The following ZNF33A variants were observed in gnomAD, a reference collection of about 807,000 sequenced individuals.
ZNF33A encodes brain my041 protein.
In ZNF33A, 9 loss-of-function variants were observed where a neutral mutation model predicts 15.9. That is an observed-to-expected ratio of 0.57 (90% confidence interval 0.34 to 0.99). ZNF33A has a LOEUF of 0.99. Ranked by LOEUF, ZNF33A falls within the 50% of genes least tolerant of loss-of-function variation. The pLI, the probability that ZNF33A is intolerant of heterozygous loss-of-function variation, is 0.02. For synonymous variants in ZNF33A, 294 were observed against 324.2 expected, an observed-to-expected ratio of 0.91 and a Z score of 1.00; for missense variants, 843 against 941.6, an observed-to-expected ratio of 0.90 and a Z score of 1.37.
intron 4 of ZNF33A, among the ~76,000 whole-genome samples, chr10:38,017,967 G>A (rs1384326646): frequency 1.3e-5 from 2 of 152,144 alleles, no homozygotes; most frequent in Non-Finnish European, 1.5e-5. Context: ...GGTGGCAGGT[G>A]CCTGTAATCC....
chr10:38,056,447 A>G lies in ZNF33A; in HGVS notation c.2323A>G (p.Asn775Asp), dbSNP rs774080068. 2.5e-6 allele frequency: 4 copies of G among 1,614,002 alleles called. No homozygotes were observed. Among genetic ancestry groups the G allele is most frequent in the Middle Eastern group, 3.3e-4 (2 of 6,060 alleles). Reference protein sequence around the residue: ...IVHQRRHIGENLMNEMDIRNF... With the variant: ...IVHQRRHIGEDLMNEMDIRNF... Reference sequence around the variant, plus strand: ...ACATCAGAGAAGACATATAGGAGAAAACCTTATGAATGAAATGGATATTAG... The same window carrying G: ...ACATCAGAGAAGACATATAGGAGAAGACCTTATGAATGAAATGGATATTAG... Residue 775 changes from asparagine (N) to aspartate (D), a missense_variant, in exon 5 of 5, where the codon AAC (asparagine) becomes GAC (aspartate). Transcript: ENST00000432900.
chr10:38,064,098 T>A, downstream of ZNF33A: 2 of 1,597,782 alleles, frequency 1.3e-6, no homozygotes, highest in Non-Finnish European at 8.5e-7. Context: ...GCCCCTGAGA[T>A]GCTCATGCCC....
intron 4 of ZNF33A, among the ~76,000 whole-genome samples, chr10:38,051,379 G>A (rs572838184): frequency 2.6e-4 from 39 of 152,070 alleles, no homozygotes; most frequent in African/African-American, 7.2e-4. Context: ...TTGTCACAAC[G>A]TATAAAGAAC....
chr10:38,055,092 A>G lies in ZNF33A; in HGVS notation c.968A>G (p.Asp323Gly), dbSNP rs1305915058. 3.7e-6 allele frequency: 6 copies of G among 1,614,064 alleles called. No homozygotes were observed. Among genetic ancestry groups the G allele is most frequent in the Non-Finnish European group, 8.5e-7 (1 of 1,180,016 alleles). The change falls in exon 5 of 5, where the codon GAT (aspartate) becomes GGT (glycine). Residue 323 changes from aspartate to glycine, a missense_variant. Transcript: ENST00000432900. ...TGTCTGTCACACCTTCAGAAAGGTGATAAAGGAGAGAAACACTTTGAATGT... is the reference window on the plus strand; with the variant it reads ...TGTCTGTCACACCTTCAGAAAGGTGGTAAAGGAGAGAAACACTTTGAATGT... ...KLCLSHLQKG[D>G]KGEKHFECNE...
chr10:38,047,760 A>G (rs2066019276), intron 4 of ZNF33A, among the ~76,000 whole-genome samples: 1 of 151,920 alleles, frequency 6.6e-6, no homozygotes, highest in East Asian at 1.9e-4. Flanking sequence ...ACAGAAAACA[A>G]TATTTTGAGA....
At chr10:38,033,022 A>G (rs1467149480) in intron 4 of ZNF33A, among the ~76,000 whole-genome samples, 2 of 152,232 alleles carry the variant, frequency 1.3e-5, no homozygotes, top group South Asian at 2.1e-4. Flanking sequence ...TGCTGGGATT[A>G]TAGGCGTGAG....
chr10:38,045,940 T>C (rs2065928408), intron 4 of ZNF33A, among the ~76,000 whole-genome samples: 1 of 152,206 alleles, frequency 6.6e-6, no homozygotes, highest in Non-Finnish European at 1.5e-5. Context: ...TTTGCTTTTC[T>C]CTGGGTGAGT....
Position 38,055,415 on chromosome 10 carries a change from C to CATA in ZNF33A, c.1293_1294insAAT (p.His431_Gln432insAsn). 1 of 1,614,074 alleles carries CATA rather than the reference C, an allele frequency of 6.2e-7. No homozygotes were observed. Among genetic ancestry groups the CATA allele is most frequent in the Non-Finnish European group, 8.5e-7 (1 of 1,179,986 alleles). ...TTGCCAGAAATCTGACCTCACTAAA[C>CATA]ATCAGAGAACACACACAGGGCTGAA... On this transcript the variant is annotated inframe_insertion, in exon 5 of 5. Transcript: ENST00000432900.
intron 4 of ZNF33A, chr10:38,039,741 C>T: frequency 3.1e-6 from 1 of 327,860 alleles, no homozygotes; most frequent in Non-Finnish European, 5.8e-6. Context: ...ATCTTTAATC[C>T]CTACTTTTAG....
downstream of ZNF33A, among the ~76,000 whole-genome samples, chr10:38,060,244 A>G (rs1300738242): frequency 6.6e-6 from 1 of 152,190 alleles, no homozygotes; most frequent in Non-Finnish European, 1.5e-5. Context: ...TCTGAAGCCA[A>G]TAGGGCCTCA....
chr10:38,061,218 G>A (rs1322787402), downstream of ZNF33A, among the ~76,000 whole-genome samples: 1 of 152,122 alleles, frequency 6.6e-6, no homozygotes, highest in Non-Finnish European at 1.5e-5. Flanking sequence ...ACTGAGGGAG[G>A]TGAGTGTGGC....
chr10:38,034,028 T>C (rs549436271), intron 4 of ZNF33A, among the ~76,000 whole-genome samples: 1 of 152,258 alleles, frequency 6.6e-6, no homozygotes, highest in South Asian at 2.1e-4. Context: ...GAACATCTTT[T>C]TATGCACTTG....
chr10:38,023,909 A>G (rs1428102457), intron 4 of ZNF33A, among the ~76,000 whole-genome samples: 4 of 152,194 alleles, frequency 2.6e-5, no homozygotes, highest in Admixed American at 1.3e-4. Context: ...CTATAATCCC[A>G]GCGCTTTGGG....
downstream of ZNF33A, among the ~76,000 whole-genome samples, chr10:38,061,475 C>T (rs564553150): frequency 2.6e-5 from 4 of 152,296 alleles, no homozygotes; most frequent in Admixed American, 6.5e-5. Context: ...TGCCAGTGTG[C>T]CTGAGCGTGG....
chr10:38,029,418 C>T (rs1482193094), intron 4 of ZNF33A, among the ~76,000 whole-genome samples: 1 of 152,180 alleles, frequency 6.6e-6, no homozygotes, highest in East Asian at 1.9e-4. Flanking sequence ...ATATCAGCTC[C>T]TAATATTAAT....
chr10:38,062,270 TGA>T (rs1223029364), downstream of ZNF33A, among the ~76,000 whole-genome samples: 1 of 152,160 alleles, frequency 6.6e-6, no homozygotes, highest in East Asian at 1.9e-4. Flanking sequence ...TCCAGAGCTG[TGA>T]GAGGTAAATT....
intron 4 of ZNF33A, among the ~76,000 whole-genome samples, chr10:38,046,478 G>C (rs630390): frequency 0.99 from 150,787 of 152,252 alleles, 74,685 homozygotes; most frequent in Middle Eastern, 1. Context: ...ATTTGCCTAA[G>C]AAATCATAAA....
At chr10:38,043,057 T>G (rs1438942387) in intron 4 of ZNF33A, among the ~76,000 whole-genome samples, 2 of 152,204 alleles carry the variant, frequency 1.3e-5, no homozygotes, top group Non-Finnish European at 2.9e-5. Flanking sequence ...GTTTTCACCC[T>G]AAAGAACTTC....
intron 4 of ZNF33A, among the ~76,000 whole-genome samples, chr10:38,038,776 T>G (rs943967797): frequency 1.3e-5 from 2 of 152,358 alleles, no homozygotes; most frequent in South Asian, 4.1e-4. Flanking sequence ...GTTTGCTGAT[T>G]GTTTTTATAG....
Sources: allele counts gnomAD v4.1 joint callset (sites outside exome capture counted in the v4.1 genomes callset), GRCh38; gene constraint gnomAD v4.1.1; transcripts MANE v1.5; gene names NCBI Gene and HGNC (gene_info 2026-07-23, HGNC 2026-07-21).